The following CCDC57 variants were observed in gnomAD, a reference collection of about 807,000 sequenced individuals.
CCDC57 encodes the protein coiled-coil domain containing 57.
CCDC57 carries 118 observed loss-of-function variants against 118.9 expected under a neutral mutation model. The observed-to-expected ratio is 0.99, with a 90% CI of 0.86 to 1.16. The LOEUF (loss-of-function observed/expected upper bound fraction) is 1.16. Ranked by LOEUF, CCDC57 falls within the 50% of genes most tolerant of loss-of-function variation. CCDC57 has a pLI of 0.00. For missense variants in CCDC57, 1,300 were observed against 1,320.7 expected, an observed-to-expected ratio of 0.98 and a Z score of 0.24; for synonymous variants, 527 against 532.9, an observed-to-expected ratio of 0.99 and a Z score of 0.15.
In CCDC57 at chr17:82,134,196, TG is replaced by T. The variant is rs1300419185; in HGVS notation, c.2456-3del. The stretch of plus-strand genomic sequence containing the variant: ...GGAGGGCGTGGTGCAACAGCCACCC[TG>T]GGAATGGGATGGGGACAGAGTTTGT... On this transcript the variant is annotated splice_region_variant and splice_polypyrimidine_tract_variant and intron_variant, in intron 16 of 19. Transcript: ENST00000665763. 2 of 1,317,450 alleles carry T rather than the reference TG, an allele frequency of 1.5e-6. No individual in the cohort carries two copies. The highest frequency in any genetic ancestry group is 1.9e-6 in the Non-Finnish European group (2 of 1,026,920). 81.6% of individuals were successfully genotyped at this position (1,317,450 alleles called of 1,614,324 possible). A position where few individuals can be genotyped will look rare whatever the true frequency, so the allele number is the denominator to read the frequency against.
intron 14 of CCDC57, among the ~76,000 whole-genome samples, chr17:82,160,773 C>T (rs2043215581): frequency 6.7e-6 from 1 of 148,440 alleles, no homozygotes. Flanking sequence ...ACTTGGGAGG[C>T]TGAGGCAGGA....
chr17:82,111,948 G>C (rs2035287534), intron 19 of CCDC57: 1 of 151,478 alleles, frequency 6.6e-6, no homozygotes. Flanking sequence ...TTGGGTGAAA[G>C]TTGGGTTATG....
intron 19 of CCDC57, among the ~76,000 whole-genome samples, chr17:82,116,628 C>G (rs956500163): frequency 6.6e-6 from 1 of 152,212 alleles, no homozygotes; most frequent in African/African-American, 2.4e-5. Flanking sequence ...CCTTGGGACC[C>G]TCAGCTATGG....
intron 19 of CCDC57, among the ~76,000 whole-genome samples, chr17:82,116,892 GCTC>G (rs942740563): frequency 1.3e-5 from 2 of 152,220 alleles, no homozygotes; most frequent in African/African-American, 2.4e-5. Context: ...TCTCCGGAAA[GCTC>G]CTGTCTCCCT....
chr17:82,105,873 G>GCT (rs2034810159), intron 19 of CCDC57, among the ~76,000 whole-genome samples: 1 of 152,244 alleles, frequency 6.6e-6, no homozygotes, highest in Non-Finnish European at 1.5e-5. Flanking sequence ...ATGCTCCAGG[G>GCT]CTCTGGGCAG....
chr17:82,181,227 G>A (rs1417303905), intron 9 of CCDC57, among the ~76,000 whole-genome samples: 1 of 152,240 alleles, frequency 6.6e-6, no homozygotes, highest in Non-Finnish European at 1.5e-5. Context: ...AACACCGGCT[G>A]GGCCAAGAGC....
intron 19 of CCDC57, among the ~76,000 whole-genome samples, chr17:82,103,045 C>T (rs1598596585): frequency 2.0e-5 from 3 of 152,350 alleles, no homozygotes; most frequent in African/African-American, 7.2e-5. Flanking sequence ...GGTCAGCGGG[C>T]GGCCAACGCC....
At chr17:82,151,140 C>G (rs1185190336) in intron 16 of CCDC57, among the ~76,000 whole-genome samples, 1 of 139,924 alleles carries the variant, frequency 7.1e-6, no homozygotes, top group Non-Finnish European at 1.5e-5. Context: ...CACCCAGAAC[C>G]TGACCCGCAC....
chr17:82,110,463 G>A (rs2035164641), intron 19 of CCDC57, among the ~76,000 whole-genome samples: 1 of 152,184 alleles, frequency 6.6e-6, no homozygotes, highest in African/African-American at 2.4e-5. Context: ...ATGTCCTCCT[G>A]GCAAAAACTC....
chr17:82,159,013 G>A (rs764734383), intron 14 of CCDC57, among the ~76,000 whole-genome samples: 3 of 152,096 alleles, frequency 2.0e-5, no homozygotes, highest in Admixed American at 6.6e-5. Flanking sequence ...GACTACAGAC[G>A]CACCACCATG....
chr17:82,131,884 G>A (rs1280966402), intron 17 of CCDC57, among the ~76,000 whole-genome samples: 2 of 152,106 alleles, frequency 1.3e-5, no homozygotes, highest in African/African-American at 4.8e-5. Flanking sequence ...GGGAGGCTGA[G>A]GCAGGAGGAT....
At chr17:82,102,565 A>G (rs901884416) in intron 19 of CCDC57, among the ~76,000 whole-genome samples, 2 of 152,066 alleles carry the variant, frequency 1.3e-5, no homozygotes, top group Non-Finnish European at 1.5e-5. Flanking sequence ...TTTTTTGGTA[A>G]AACAACAGCA....
At chr17:82,113,241 C>T (rs937599982) in intron 19 of CCDC57, 21 of 612,082 alleles carry the variant, frequency 3.4e-5, no homozygotes, top group East Asian at 1.9e-4. Context: ...TGGGGTTGTC[C>T]GTGCCATTCA....
chr17:82,136,580 C>CAA (rs761497406), intron 16 of CCDC57, among the ~76,000 whole-genome samples: 2,017 of 80,728 alleles, frequency 0.025, 43 homozygotes, highest in African/African-American at 0.08. Context: ...TGTATAGTAC[C>CAA]AAAAAAAAAA....
At chr17:82,171,967 T>G (rs899789539) in intron 12 of CCDC57, 114 bp from the exon 12 acceptor site, 44 of 1,057,908 alleles carry the variant, frequency 4.2e-5, no homozygotes, top group Non-Finnish European at 5.5e-5. Context: ...AGCTTCACTG[T>G]CCCTGTCCTC....
At chr17:82,113,909 G>A (rs1568147315) in intron 19 of CCDC57, 2 of 545,332 alleles carry the variant, frequency 3.7e-6, no homozygotes, top group East Asian at 6.3e-5. Flanking sequence ...TTGTGCCACT[G>A]CACTCTGGCC....
Position 82,204,995 on chromosome 17 carries a change from C to T in CCDC57, c.-9+2852G>A, listed in dbSNP as rs1299344647. ...GCAGGGAAGCTTTCCTAACTTCCAT[C>T]TCACGTTGGCACAACGCCATCACCC... is the stretch of plus-strand genomic sequence containing the variant. On this transcript the variant is annotated intron_variant, in intron 2 of 19. Coordinates refer to ENST00000665763, the Ensembl canonical transcript of CCDC57. Among the ~76,000 whole-genome samples the T allele has an allele frequency of 3.3e-5, 5 of 152,352 alleles. No homozygotes were observed. The South Asian group carries it at 8.3e-4, about 25-fold the overall frequency.
At chr17:82,189,501 G>C (rs11077982) in intron 7 of CCDC57, among the ~76,000 whole-genome samples, 114,690 of 151,922 alleles carry the variant, frequency 0.75, 44,065 homozygotes, top group East Asian at 0.93. Flanking sequence ...AACCCCAGCT[G>C]TCTGCTTCCA....
chr17:82,165,610 C>T (rs2043892438), intron 13 of CCDC57, among the ~76,000 whole-genome samples: 1 of 152,152 alleles, frequency 6.6e-6, no homozygotes. Flanking sequence ...CTGCAGCCTG[C>T]TGTGGACAAA....
Sources: gnomAD v4.1 joint callset for allele counts (sites outside exome capture counted in the v4.1 genomes callset) on GRCh38, gnomAD v4.1.1 for gene constraint, MANE v1.5 for transcripts, NCBI Gene and HGNC (gene_info 2026-07-23, HGNC 2026-07-21) for gene names.